DPP6: variants seen among roughly 807,000 people sequenced by gnomAD.
The protein encoded by DPP6 is A-type potassium channel modulatory protein DPP6.
A neutral mutation model predicts 122.6 loss-of-function variants in DPP6; 69 were observed. The observed-to-expected ratio is 0.56, with a 90% confidence interval of 0.46 to 0.69. DPP6 has a LOEUF of 0.69. DPP6 is among the 30% of genes least tolerant of loss of function. The pLI, the probability that DPP6 is intolerant of heterozygous loss-of-function variation, is 0.00. For synonymous variants in DPP6, 418 were observed against 433.1 expected (o/e 0.97, Z 0.43); for missense variants, 928 against 1,116.9 (o/e 0.83, Z 2.41).
chr7:154,466,840 A>T (rs1289234018), intron 2 of DPP6, among the ~76,000 whole-genome samples: 1 of 152,200 alleles, frequency 6.6e-6, no homozygotes, highest in Admixed American at 6.5e-5. Context: ...CTCTACCCCA[A>T]GGTCCCCAGA....
intron 4 of DPP6, among the ~76,000 whole-genome samples, chr7:154,551,100 T>C (rs1829600416): frequency 1.3e-5 from 2 of 152,240 alleles, no homozygotes; most frequent in Non-Finnish European, 1.5e-5. Context: ...GCAGTTTCCA[T>C]GTAAGTTTGA....
the DPP6 span, among the ~76,000 whole-genome samples, chr7:153,818,927 T>A: frequency 6.6e-6 from 1 of 151,718 alleles, no homozygotes; most frequent in Non-Finnish European, 1.5e-5. Context: ...AATTTTTGTA[T>A]TTTTAGTAGA....
chr7:154,458,684 C>T (rs554197581), intron 2 of DPP6, among the ~76,000 whole-genome samples: 28 of 152,216 alleles, frequency 1.8e-4, no homozygotes, highest in African/African-American at 3.4e-4. Context: ...GGCATTGCCA[C>T]TTTTACGGTG....
In DPP6 at chr7:154,247,994, C is replaced by T. The variant is rs74957159; in HGVS notation, c.243+194931C>T. 6.6e-3 allele frequency among the ~76,000 whole-genome samples: 999 copies of T among 152,206 alleles called. 17 individuals are homozygous for T. The highest frequency in any genetic ancestry group is 0.023 in the African/African-American group (973 of 41,522). On this transcript the variant is annotated intron_variant, in intron 1 of 25. Transcript: ENST00000377770. Reference sequence around the variant, plus strand: ...AAAAGAAATGTATTTCTCACCATTTCGTAGGCTGGAAGTTCGAGACCAGGG... The same window carrying T: ...AAAAGAAATGTATTTCTCACCATTTTGTAGGCTGGAAGTTCGAGACCAGGG...
rs36007704 is a variant in DPP6 at position 154,863,344 on chromosome 7, A to ATTTT, written c.1715-4639_1715-4636dup. ...CAAGATTCTACAATCCTTTCATAGG[A>ATTTT]TTTTTTTTTTTTTTTGAGATGGGGG... is the stretch of plus-strand genomic sequence containing the variant. On this transcript the variant is annotated intron_variant, in intron 17 of 25. Coordinates refer to ENST00000377770, the MANE Select transcript of DPP6 (RefSeq NM_130797.4). The surrounding 1 kb of genome is among the most constrained non-coding windows in gnomAD (Gnocchi z 4.1). 0.01 allele frequency among the ~76,000 whole-genome samples: 1,439 copies of ATTTT among 141,518 alleles called. 33 individuals carry two copies. The highest frequency in any genetic ancestry group is 0.035 in the African/African-American group (1,320 of 38,086). The allele number at this position is 141,518 out of a possible 152,430, so 92.8% of individuals were successfully genotyped here. A position where few individuals can be genotyped will look rare whatever the true frequency, so the allele number is the denominator to read the frequency against.
intron 5 of DPP6, among the ~76,000 whole-genome samples, chr7:154,611,571 A>T (rs1162502956): frequency 1.3e-5 from 2 of 151,692 alleles, no homozygotes; most frequent in Non-Finnish European, 2.9e-5. Flanking sequence ...GCAACCAGCC[A>T]TTCTTTACCA....
chr7:154,393,284 C>T (rs1336051221), intron 1 of DPP6, among the ~76,000 whole-genome samples: 1 of 152,140 alleles, frequency 6.6e-6, no homozygotes, highest in Non-Finnish European at 1.5e-5. Flanking sequence ...TCTGAATGCT[C>T]TGTGCTAAAG....
At chr7:154,715,590 A>G (rs1387192) in intron 7 of DPP6, among the ~76,000 whole-genome samples, 55,616 of 152,060 alleles carry the variant, frequency 0.37, 10,805 homozygotes, top group Non-Finnish European at 0.44. Context: ...CCCAAATGGT[A>G]CCCTGCAGCC....
At chr7:153,895,654 G>A (rs1337885314) in intron 1 of DPP6, among the ~76,000 whole-genome samples, 2 of 151,856 alleles carry the variant, frequency 1.3e-5, no homozygotes, top group Non-Finnish European at 2.9e-5. Context: ...GAGCATTCAT[G>A]CACCAGCCTT....
chr7:154,216,164 G>T (rs999064705), intron 1 of DPP6, among the ~76,000 whole-genome samples: 1 of 152,196 alleles, frequency 6.6e-6, no homozygotes, highest in Non-Finnish European at 1.5e-5. Flanking sequence ...CCCACGGGAC[G>T]CATTGAGTGC....
chr7:154,297,029 G>C (rs2150973002), intron 1 of DPP6, among the ~76,000 whole-genome samples: 1 of 151,822 alleles, frequency 6.6e-6, no homozygotes, highest in East Asian at 1.9e-4. Context: ...TTCCTGAAAG[G>C]CATATCTGCT....
chr7:154,008,908 G>T (rs1415975899), intron 1 of DPP6, among the ~76,000 whole-genome samples: 18 of 148,458 alleles, frequency 1.2e-4, no homozygotes, highest in Non-Finnish European at 1.5e-5. Flanking sequence ...CTCGTGATCC[G>T]CCCGCCTCGG....
rs1314618046 is a variant in DPP6 at position 154,730,593 on chromosome 7, T to A, written c.883+2706T>A. Among the ~76,000 whole-genome samples, 35 of 152,198 alleles carry A rather than the reference T, an allele frequency of 2.3e-4. 1 individual carries two copies. Among genetic ancestry groups the A allele is most frequent in the Non-Finnish European group, 2.4e-4 (16 of 68,038 alleles). On this transcript the variant is annotated intron_variant, in intron 8 of 25. Coordinates refer to ENST00000377770, the MANE Select transcript of DPP6 (RefSeq NM_130797.4). Reference sequence around the variant, plus strand: ...TATTTTTATCACAAAGGAAAAAAGATGTTTAAAAAAGAAAAAAATGGCATA... The same window carrying A: ...TATTTTTATCACAAAGGAAAAAAGAAGTTTAAAAAAGAAAAAAATGGCATA...
chr7:154,034,740 C>T (rs1303649514), intron 1 of DPP6, among the ~76,000 whole-genome samples: 3 of 151,654 alleles, frequency 2.0e-5, no homozygotes, highest in Non-Finnish European at 4.4e-5. Context: ...AGACTTCCTT[C>T]ACTGCATGGG....
At chr7:154,754,603 G>C (rs576874233) in intron 8 of DPP6, among the ~76,000 whole-genome samples, 1 of 152,224 alleles carries the variant, frequency 6.6e-6, no homozygotes, top group Non-Finnish European at 1.5e-5. Context: ...GTATAGATGA[G>C]TAATAACAAA....
At chr7:154,630,644 T>C (rs914861897) in intron 5 of DPP6, among the ~76,000 whole-genome samples, 3 of 152,164 alleles carry the variant, frequency 2.0e-5, no homozygotes, top group African/African-American at 7.2e-5. Context: ...GGGACATGGA[T>C]GAAGCTGGAA....
At chr7:153,852,152 G>A in the DPP6 span, among the ~76,000 whole-genome samples, 30 of 152,280 alleles carry the variant, frequency 2.0e-4, 1 homozygote, top group East Asian at 2.1e-3. Context: ...TGTTAGGCTC[G>A]ATGTCAGCAC....
rs2131512325 is a variant in DPP6 at position 154,760,916 on chromosome 7, C to A, written c.884-8501C>A. Among the ~76,000 whole-genome samples the A allele has an allele frequency of 6.6e-6, 1 of 150,996 alleles. No individual in the cohort carries two copies. The highest frequency in any genetic ancestry group is 2.1e-4 in the South Asian group (1 of 4,786). ...ATGGTGCAATCTCGACTCACTGCAA[C>A]CTCCGCTTCCCTGGTTCAAGCGATT... is the stretch of plus-strand genomic sequence containing the variant. On this transcript the variant is annotated intron_variant, in intron 8 of 25. Coordinates refer to ENST00000377770, the MANE Select transcript of DPP6 (RefSeq NM_130797.4). This position sits in a 1 kb window ranked among gnomAD's most constrained non-coding sequence, Gnocchi z 4.5.
chr7:154,106,722 G>C (rs903106047), intron 1 of DPP6, among the ~76,000 whole-genome samples: 2 of 152,124 alleles, frequency 1.3e-5, no homozygotes, highest in Non-Finnish European at 2.9e-5. Context: ...TGACAACCCA[G>C]GCACAGGTGA....
Sources: allele counts gnomAD v4.1 joint callset (sites outside exome capture counted in the v4.1 genomes callset), GRCh38; gene constraint gnomAD v4.1.1; non-coding constraint Gnocchi (gnomAD v3.1); transcripts MANE v1.5; gene names NCBI Gene and HGNC (gene_info 2026-07-23, HGNC 2026-07-21).